SPRED1: variants seen among roughly 807,000 people sequenced by gnomAD.
SPRED1 encodes the protein sprouty related EVH1 domain containing 1, also known as sprouty-related, EVH1 domain-containing protein 1.
In SPRED1, 18 loss-of-function variants were observed where a neutral mutation model predicts 52.3. The ratio of observed to expected loss-of-function variants is 0.34; its 90% confidence interval spans 0.24 to 0.51. SPRED1 has a LOEUF of 0.51. Ranked by LOEUF, SPRED1 falls within the 20% of genes least tolerant of loss-of-function variation. The pLI is 0.97. For synonymous variants in SPRED1, 155 were observed against 179.7 expected (o/e 0.86, Z 1.10); for missense variants, 485 against 551.0 (o/e 0.88, Z 1.20).
chr15:38,343,631 C>G (rs1340569488), intron 5 of SPRED1, among the ~76,000 whole-genome samples: 1 of 152,038 alleles, frequency 6.6e-6, no homozygotes, highest in African/African-American at 2.4e-5. Context: ...CATCTGGGAG[C>G]TTTTCTTCCA....
Position 38,349,402 on chromosome 15 carries a change from A to G in SPRED1, c.583-20A>G. On this transcript the variant is annotated intron_variant, in intron 5 of 6. Coordinates refer to ENST00000299084, the MANE Select transcript of SPRED1 (RefSeq NM_152594.3). ...AGTAAAATTCTTGTGTCATTTAAGT[A>G]GAAATTGTTTGTATTTTAGATAACA... 1 of 1,559,458 alleles carries G rather than the reference A, an allele frequency of 6.4e-7. No homozygotes were observed. The highest frequency in any genetic ancestry group is 8.8e-7 in the Non-Finnish European group (1 of 1,130,994).
At chr15:38,269,041 G>A (rs956393454) in intron 1 of SPRED1, among the ~76,000 whole-genome samples, 3 of 150,038 alleles carry the variant, frequency 2.0e-5, no homozygotes, top group Admixed American at 1.3e-4. Context: ...CCGGGTTCAC[G>A]CTATTCCCCT....
At position 38,354,967 on chromosome 15, in the gene SPRED1, T is replaced by C. The variant is rs1888581071; in HGVS notation, c.*3303T>C. 1 of 152,470 alleles carries C rather than the reference T, an allele frequency of 6.6e-6. No homozygotes were observed. Among genetic ancestry groups the C allele is most frequent in the Non-Finnish European group, 1.5e-5 (1 of 68,242 alleles). The allele number at this position is 152,470 out of a possible 1,614,324, so 9.4% of individuals were successfully genotyped here. On this transcript the variant is annotated 3_prime_UTR_variant, in exon 7 of 7. Transcript: ENST00000299084. Reference sequence around the variant, plus strand: ...GTGTGTGTGTACGTTTTTCTCTCTTTTATTTGAGACGGAGTTTCACTCTTG... The same window carrying C: ...GTGTGTGTGTACGTTTTTCTCTCTTCTATTTGAGACGGAGTTTCACTCTTG...
chr15:38,273,276 C>T (rs1894477226), intron 1 of SPRED1, among the ~76,000 whole-genome samples: 1 of 152,018 alleles, frequency 6.6e-6, no homozygotes, highest in Non-Finnish European at 1.5e-5. Flanking sequence ...GTGTAAATTA[C>T]CTCATTTTGA....
intron 1 of SPRED1, among the ~76,000 whole-genome samples, chr15:38,296,944 C>T (rs756692316): frequency 3.3e-5 from 5 of 152,142 alleles, no homozygotes; most frequent in Non-Finnish European, 5.9e-5. Context: ...GGGTGCCCAT[C>T]GCTTTTTGGC....
Position 38,354,775 on chromosome 15 carries a change from T to C in SPRED1, c.*3111T>C, listed in dbSNP as rs111766079. ...ATTTGGGACTGGCAATCAAACTTAA[T>C]GGATGTACTGAGGCATTTATAGAAC... On this transcript the variant is annotated 3_prime_UTR_variant, in exon 7 of 7. Transcript: ENST00000299084. 7.5e-4 allele frequency: 115 copies of C among 152,350 alleles called. No homozygotes were observed. Among genetic ancestry groups the C allele is most frequent in the African/African-American group, 2.4e-3 (101 of 41,586 alleles). The allele number at this position is 152,350 out of a possible 1,614,324, so 9.4% of individuals were successfully genotyped here.
intron 2 of SPRED1, among the ~76,000 whole-genome samples, chr15:38,301,967 C>T (rs1163388112): frequency 2.0e-5 from 3 of 151,636 alleles, no homozygotes; most frequent in Admixed American, 6.6e-5. Context: ...AAAGCCTTCT[C>T]GGTGAATAAA....
intron 4 of SPRED1, among the ~76,000 whole-genome samples, chr15:38,336,236 C>G (rs894894580): frequency 4.0e-5 from 6 of 151,472 alleles, no homozygotes; most frequent in Non-Finnish European, 7.4e-5. Context: ...TTTCTTTTTA[C>G]TATTTAAAAT....
At chr15:38,343,383 G>GA (rs1375692218) in intron 5 of SPRED1, among the ~76,000 whole-genome samples, 2 of 152,110 alleles carry the variant, frequency 1.3e-5, no homozygotes, top group East Asian at 1.9e-4. Flanking sequence ...TCAGGACAGA[G>GA]AAAAAAATTG....
At chr15:38,259,412 C>G (rs1306771809) in intron 1 of SPRED1, among the ~76,000 whole-genome samples, 1 of 152,156 alleles carries the variant, frequency 6.6e-6, no homozygotes, top group African/African-American at 2.4e-5. Flanking sequence ...TGCCACCACA[C>G]CTGGCTAATT....
chr15:38,304,322 G>A lies in SPRED1; in HGVS notation c.207+4775G>A, dbSNP rs11632624. On this transcript the variant is annotated intron_variant, in intron 2 of 6. Transcript: ENST00000299084. ...TCCTTTGTGAAACTTCAGTCCTACA[G>A]AAGTGGTCCTCCACTAAAAACCAAT... 9.0e-3 allele frequency among the ~76,000 whole-genome samples: 1,372 copies of A among 152,260 alleles called. 12 individuals carry two copies. The highest frequency in any genetic ancestry group is 0.031 in the Middle Eastern group (9 of 294).
At chr15:38,350,945 C>G (rs1345524998) in intron 6 of SPRED1, 69 bp from the exon 7 acceptor site, 6 of 1,443,274 alleles carry the variant, frequency 4.2e-6, no homozygotes, top group Non-Finnish European at 4.8e-6. Context: ...GGACACTGGC[C>G]CCACCAAGGT....
At chr15:38,327,390 G>C (rs890105552) in intron 4 of SPRED1, among the ~76,000 whole-genome samples, 12 of 152,048 alleles carry the variant, frequency 7.9e-5, no homozygotes, top group Non-Finnish European at 1.2e-4. Flanking sequence ...AGTGTAGGCT[G>C]TTCCTAGGGA....
chr15:38,276,290 A>T lies in SPRED1; in HGVS notation c.32+23073A>T, dbSNP rs183420172. Among the ~76,000 whole-genome samples, 379 of 151,260 alleles carry T rather than the reference A, an allele frequency of 2.5e-3. 2 individuals carry two copies. Among genetic ancestry groups the T allele is most frequent in the African/African-American group, 8.9e-3 (365 of 41,162 alleles). Reference sequence around the variant, plus strand: ...GTAGAGGTAGGTGTATAACAATTGTAAATTATGTCATTATCCATTAATTCA... The same window carrying T: ...GTAGAGGTAGGTGTATAACAATTGTTAATTATGTCATTATCCATTAATTCA... On this transcript the variant is annotated intron_variant, in intron 1 of 6. Coordinates refer to ENST00000299084, the MANE Select transcript of SPRED1 (RefSeq NM_152594.3).
At position 38,253,011 on chromosome 15, in the gene SPRED1, G is replaced by T. The variant is rs1312214893; in HGVS notation, c.-175G>T. The T allele has an allele frequency of 1.6e-6, 1 of 638,256 alleles. No individual in the cohort carries two copies. The highest frequency in any genetic ancestry group is 2.8e-6 in the Non-Finnish European group (1 of 357,914). 39.5% of individuals were successfully genotyped at this position (638,256 alleles called of 1,614,324 possible). Reference sequence around the variant, plus strand: ...CCGCCACCCCCCTGCGGGGGTGGCCGGGGTTCCCGGCTGGGGGGGTACCGT... The same window carrying T: ...CCGCCACCCCCCTGCGGGGGTGGCCTGGGTTCCCGGCTGGGGGGGTACCGT... On this transcript the variant is annotated 5_prime_UTR_variant, in exon 1 of 7. Coordinates refer to ENST00000299084, the MANE Select transcript of SPRED1 (RefSeq NM_152594.3).
At chr15:38,329,745 A>G (rs1435234494) in intron 4 of SPRED1, among the ~76,000 whole-genome samples, 2 of 152,182 alleles carry the variant, frequency 1.3e-5, no homozygotes, top group African/African-American at 4.8e-5. Flanking sequence ...ATTACTGTTT[A>G]TATTTGAATA....
chr15:38,277,583 A>G (rs1351380335), intron 1 of SPRED1, among the ~76,000 whole-genome samples: 1 of 152,164 alleles, frequency 6.6e-6, no homozygotes, highest in African/African-American at 2.4e-5. Flanking sequence ...ATGAACATAC[A>G]TGTGCATGTG....
intron 1 of SPRED1, among the ~76,000 whole-genome samples, chr15:38,290,085 G>A (rs62003519): frequency 0.82 from 125,461 of 152,082 alleles, 52,510 homozygotes; most frequent in Non-Finnish European, 0.9. Context: ...CCCAACTATA[G>A]GATGATTTTA....
At chr15:38,275,557 G>A (rs548202371) in intron 1 of SPRED1, among the ~76,000 whole-genome samples, 81 of 152,248 alleles carry the variant, frequency 5.3e-4, no homozygotes, top group African/African-American at 1.9e-3. Context: ...GAGTGCAATG[G>A]CGTGATCTTG....
Sources: gnomAD v4.1 joint callset for allele counts (sites outside exome capture counted in the v4.1 genomes callset) on GRCh38, gnomAD v4.1.1 for gene constraint, MANE v1.5 for transcripts, NCBI Gene and HGNC (gene_info 2026-07-23, HGNC 2026-07-21) for gene names.